The following RAD51B variants were observed in gnomAD, a reference collection of about 807,000 sequenced individuals.
The protein encoded by RAD51B is DNA repair protein RAD51 homolog 2.
Under a neutral mutation model 42.2 loss-of-function variants are expected in RAD51B, and 38 were observed. The ratio of observed to expected loss-of-function variants is 0.90; its 90% CI spans 0.70 to 1.18. RAD51B has a LOEUF of 1.18. RAD51B is among the 50% of genes most tolerant of loss of function. The pLI is 0.00. For synonymous variants in RAD51B, 154 were observed against 145.2 expected, an observed-to-expected ratio of 1.06 and a Z score of -0.43; for missense variants, 373 against 400.7, an observed-to-expected ratio of 0.93 and a Z score of 0.59.
At chr14:68,214,178 G>C (rs1183302099) in intron 7 of RAD51B, among the ~76,000 whole-genome samples, 1 of 152,166 alleles carries the variant, frequency 6.6e-6, no homozygotes, top group African/African-American at 2.4e-5. Flanking sequence ...CTGAAGCCAG[G>C]GGTGCACCTG....
chr14:68,211,788 G>C (rs2079714709), intron 7 of RAD51B, among the ~76,000 whole-genome samples: 1 of 152,210 alleles, frequency 6.6e-6, no homozygotes, highest in Non-Finnish European at 1.5e-5. Context: ...CACTGGTTGT[G>C]CCCTGTACCC....
intron 7 of RAD51B, among the ~76,000 whole-genome samples, chr14:67,988,671 G>A (rs2075237124): frequency 6.6e-6 from 1 of 152,270 alleles, no homozygotes; most frequent in Non-Finnish European, 1.5e-5. Flanking sequence ...GCAGCAGGAA[G>A]AGGCACTGTG....
At chr14:68,377,934 TAAA>T (rs2083404334) in intron 8 of RAD51B, among the ~76,000 whole-genome samples, 1 of 152,238 alleles carries the variant, frequency 6.6e-6, no homozygotes, top group South Asian at 2.1e-4. Flanking sequence ...TTTTAAATCA[TAAA>T]GACAATACTT....
At chr14:67,843,272 A>AT (rs968719089) in intron 4 of RAD51B, among the ~76,000 whole-genome samples, 1 of 150,500 alleles carries the variant, frequency 6.6e-6, no homozygotes, top group Non-Finnish European at 1.5e-5. Context: ...TGCATTAGGT[A>AT]TATCTCCTAA....
intron 7 of RAD51B, among the ~76,000 whole-genome samples, chr14:68,171,484 A>G (rs1218578153): frequency 6.6e-6 from 1 of 151,690 alleles, no homozygotes; most frequent in African/African-American, 2.4e-5. Flanking sequence ...TATTTTTAGT[A>G]GAGACAGTGT....
chr14:68,361,913 C>A (rs560905431), intron 8 of RAD51B, among the ~76,000 whole-genome samples: 5 of 152,010 alleles, frequency 3.3e-5, no homozygotes, highest in African/African-American at 4.8e-5. Context: ...TGACCTCAAG[C>A]GATCCTCCCA....
chr14:67,831,073 G>A (rs1197495566), intron 3 of RAD51B, among the ~76,000 whole-genome samples: 5 of 151,154 alleles, frequency 3.3e-5, no homozygotes, highest in African/African-American at 1.2e-4. Flanking sequence ...GACGGTTTCA[G>A]CATGTTGGCC....
intron 11 of RAD51B, among the ~76,000 whole-genome samples, chr14:68,673,564 GCACACA>G (rs891312196): frequency 6.7e-6 from 1 of 149,098 alleles, no homozygotes; most frequent in African/African-American, 2.5e-5. Flanking sequence ...ACATATGTAT[GCACACA>G]CATACACATA....
chr14:67,864,106 C>T (rs2042248607), intron 4 of RAD51B, among the ~76,000 whole-genome samples: 1 of 152,100 alleles, frequency 6.6e-6, no homozygotes, highest in South Asian at 2.1e-4. Flanking sequence ...CTTGTGAGAA[C>T]TCACTATCAT....
chr14:68,257,582 A>C (rs1262308459), intron 7 of RAD51B, among the ~76,000 whole-genome samples: 2 of 152,162 alleles, frequency 1.3e-5, no homozygotes, highest in Non-Finnish European at 2.9e-5. Flanking sequence ...AATTAAAAAC[A>C]AAATATAAAA....
intron 7 of RAD51B, among the ~76,000 whole-genome samples, chr14:68,058,801 C>T (rs2076521322): frequency 6.6e-6 from 1 of 152,068 alleles, no homozygotes; most frequent in Non-Finnish European, 1.5e-5. Flanking sequence ...AAGAACAGTG[C>T]ACATTTAAAA....
intron 7 of RAD51B, among the ~76,000 whole-genome samples, chr14:68,157,379 A>C (rs1418426789): frequency 6.6e-6 from 1 of 152,228 alleles, no homozygotes; most frequent in Non-Finnish European, 1.5e-5. Flanking sequence ...GATTTGATTA[A>C]CATACTTAAG....
intron 8 of RAD51B, among the ~76,000 whole-genome samples, chr14:68,368,168 A>T (rs1160628908): frequency 6.6e-6 from 1 of 152,264 alleles, no homozygotes; most frequent in Non-Finnish European, 1.5e-5. Context: ...GAAAGGAATT[A>T]ACTTTAGTCA....
chr14:68,581,906 G>T (rs1021853303), intron 10 of RAD51B, among the ~76,000 whole-genome samples: 6 of 151,984 alleles, frequency 3.9e-5, no homozygotes, highest in African/African-American at 1.5e-4. Flanking sequence ...AGGCAATGGG[G>T]AAAGGATTCC....
intron 10 of RAD51B, among the ~76,000 whole-genome samples, chr14:68,610,843 A>ATATGTGTG (rs1555431623): frequency 6.9e-6 from 1 of 144,896 alleles, no homozygotes; most frequent in Non-Finnish European, 1.5e-5. Flanking sequence ...CTGAATGTAT[A>ATATGTGTG]TGTGTGTGTG....
intron 7 of RAD51B, among the ~76,000 whole-genome samples, chr14:68,273,162 G>C (rs183219477): frequency 6.6e-6 from 1 of 152,074 alleles, no homozygotes; most frequent in African/African-American, 2.4e-5. Flanking sequence ...TAATGTAGGG[G>C]AATAACTGAG....
intron 11 of RAD51B, among the ~76,000 whole-genome samples, chr14:68,658,292 G>C (rs974506427): frequency 6.6e-6 from 1 of 152,210 alleles, no homozygotes; most frequent in Non-Finnish European, 1.5e-5. Context: ...GTCAGTGGGG[G>C]CTGCCCGGAC....
intron 7 of RAD51B, among the ~76,000 whole-genome samples, chr14:68,260,831 T>C (rs1183855765): frequency 1.3e-5 from 2 of 152,194 alleles, no homozygotes; most frequent in Non-Finnish European, 2.9e-5. Flanking sequence ...TTTCTCACAT[T>C]TAGAGGAACA....
intron 8 of RAD51B, among the ~76,000 whole-genome samples, chr14:68,379,771 T>C (rs950735724): frequency 1.3e-5 from 2 of 152,208 alleles, no homozygotes; most frequent in African/African-American, 4.8e-5. Context: ...AAGAGAATTA[T>C]TAGTGACCAG....
Sources: allele counts gnomAD v4.1 joint callset (sites outside exome capture counted in the v4.1 genomes callset), GRCh38; gene constraint gnomAD v4.1.1; transcripts MANE v1.5; gene names NCBI Gene and HGNC (gene_info 2026-07-23, HGNC 2026-07-21).